The following SENP7 variants were observed in gnomAD, a reference collection of about 807,000 sequenced individuals.
The protein encoded by SENP7 is SUMO specific peptidase 7, also known as sentrin-specific protease 7.
A neutral mutation model predicts 141.2 loss-of-function variants in SENP7; 64 were observed. The ratio of observed to expected loss-of-function variants is 0.45; its 90% CI spans 0.37 to 0.56. SENP7 has a LOEUF of 0.56. Ranked by LOEUF, SENP7 falls within the 20% of genes least tolerant of loss-of-function variation. The pLI is 0.00. For missense variants in SENP7, 1,025 were observed against 1,212.2 expected, an observed-to-expected ratio of 0.85 and a Z score of 2.29; for synonymous variants, 382 against 426.4, an observed-to-expected ratio of 0.90 and a Z score of 1.28.
At chr3:101,428,007 C>A (rs1367876222) in intron 4 of SENP7, among the ~76,000 whole-genome samples, 2 of 152,142 alleles carry the variant, frequency 1.3e-5, no homozygotes, top group Non-Finnish European at 2.9e-5. Context: ...TCATCCATGT[C>A]CTGGCAAAGG....
intron 4 of SENP7, among the ~76,000 whole-genome samples, chr3:101,448,694 A>C (rs2062994455): frequency 6.6e-6 from 1 of 152,244 alleles, no homozygotes; most frequent in Non-Finnish European, 1.5e-5. Context: ...ACTAACAAAC[A>C]GAAAGGACAT....
intron 11 of SENP7, chr3:101,359,201 CA>C (rs11337184): frequency 0.4 from 60,151 of 151,648 alleles, 12,430 homozygotes; most frequent in Admixed American, 0.53. Context: ...TCTGTGCTTA[CA>C]CCTTATTTCA....
At chr3:101,466,701 C>T (rs1213283994) in intron 3 of SENP7, among the ~76,000 whole-genome samples, 1 of 152,046 alleles carries the variant, frequency 6.6e-6, no homozygotes, top group Non-Finnish European at 1.5e-5. Flanking sequence ...TACAAAAAGC[C>T]ACAAAATCGG....
At chr3:101,381,164 A>T (rs2060491121) in intron 6 of SENP7, among the ~76,000 whole-genome samples, 1 of 152,210 alleles carries the variant, frequency 6.6e-6, no homozygotes. Flanking sequence ...GGTGATGCTG[A>T]TAATAGTCTA....
At chr3:101,486,171 G>C (rs1038162146) in intron 3 of SENP7, among the ~76,000 whole-genome samples, 1 of 152,174 alleles carries the variant, frequency 6.6e-6, no homozygotes, top group Non-Finnish European at 1.5e-5. Context: ...AATTCTAAAA[G>C]CTTGGAAAAC....
chr3:101,405,224 C>T (rs1395546694), intron 5 of SENP7, among the ~76,000 whole-genome samples: 1 of 152,168 alleles, frequency 6.6e-6, no homozygotes, highest in African/African-American at 2.4e-5. Flanking sequence ...GTATCCATGG[C>T]TGAGAGACCC....
intron 10 of SENP7, 121 bp from the exon 11 acceptor site, chr3:101,361,982 A>T: frequency 9.6e-7 from 1 of 1,037,278 alleles, no homozygotes; most frequent in South Asian, 2.2e-5. Flanking sequence ...AGAACTTTAT[A>T]CTGTTCTTAC....
intron 3 of SENP7, among the ~76,000 whole-genome samples, chr3:101,460,214 G>A (rs988275881): frequency 1.3e-5 from 2 of 152,110 alleles, no homozygotes; most frequent in African/African-American, 4.8e-5. Context: ...CTGATCTGAT[G>A]ATTAATTGCT....
intron 11 of SENP7, chr3:101,358,312 T>C (rs1184856536): frequency 5.1e-6 from 5 of 976,106 alleles, no homozygotes; most frequent in East Asian, 4.9e-5. Flanking sequence ...TTAATAAACA[T>C]AAAATAATTC....
At chr3:101,374,965 A>C (rs1559736840) in intron 6 of SENP7, among the ~76,000 whole-genome samples, 1 of 152,138 alleles carries the variant, frequency 6.6e-6, no homozygotes, top group African/African-American at 2.4e-5. Flanking sequence ...ATTTGAAGAG[A>C]TGTTTCTCCA....
chr3:101,489,050 C>T (rs1458991094), intron 3 of SENP7, among the ~76,000 whole-genome samples: 1 of 152,102 alleles, frequency 6.6e-6, no homozygotes, highest in African/African-American at 2.4e-5. Context: ...AATTTCATAT[C>T]CTACCAGCCC....
At chr3:101,340,441 G>A (rs1429469959) in intron 15 of SENP7, 8 of 477,068 alleles carry the variant, frequency 1.7e-5, no homozygotes, top group Non-Finnish European at 2.8e-5. Context: ...TCCCATGTGG[G>A]CTAGTCTTAA....
chr3:101,364,787 T>C, intron 10 of SENP7, 47 bp downstream of exon 10: 1 of 1,267,586 alleles, frequency 7.9e-7, no homozygotes, highest in Non-Finnish European at 1.1e-6. Flanking sequence ...CATTAACCAA[T>C]AGTGTACATT....
At chr3:101,395,005 T>C (rs746288747) in intron 6 of SENP7, among the ~76,000 whole-genome samples, 1 of 152,244 alleles carries the variant, frequency 6.6e-6, no homozygotes, top group Non-Finnish European at 1.5e-5. Flanking sequence ...TTGTTTATTT[T>C]TACTGTTCAG....
intron 11 of SENP7, among the ~76,000 whole-genome samples, chr3:101,357,007 CT>C (rs796548276): frequency 3.5e-4 from 52 of 147,060 alleles, no homozygotes; most frequent in South Asian, 6.4e-4. Context: ...TATGAACATT[CT>C]TTTTTTTTTT....
chr3:101,331,103 G>C (rs1048453645), intron 19 of SENP7, among the ~76,000 whole-genome samples: 3 of 136,744 alleles, frequency 2.2e-5, no homozygotes, highest in African/African-American at 7.8e-5. Flanking sequence ...AGTCATGTTA[G>C]CAAACCTAGT....
chr3:101,329,945 C>T (rs1478408982), intron 20 of SENP7, among the ~76,000 whole-genome samples: 1 of 145,968 alleles, frequency 6.9e-6, no homozygotes, highest in Non-Finnish European at 1.5e-5. Flanking sequence ...TCAGCAAGAC[C>T]CCATCACAAA....
At chr3:101,363,230 T>C (rs1050247245) in intron 10 of SENP7, 2 of 480,044 alleles carry the variant, frequency 4.2e-6, no homozygotes, top group African/African-American at 4.2e-5. Flanking sequence ...ATCAATCAAA[T>C]CAAATCAGGT....
chr3:101,341,849 A>G, intron 14 of SENP7, 70 bp from the exon 15 acceptor site: 2 of 1,434,324 alleles, frequency 1.4e-6, no homozygotes, highest in Non-Finnish European at 1.9e-6. Context: ...CAAAACGTAG[A>G]CGTGTGAGAG....
Sources: gnomAD v4.1 joint callset for allele counts (sites outside exome capture counted in the v4.1 genomes callset) on GRCh38, gnomAD v4.1.1 for gene constraint, MANE v1.5 for transcripts, NCBI Gene and HGNC (gene_info 2026-07-23, HGNC 2026-07-21) for gene names.